ADAMTS18: variants seen among roughly 807,000 people sequenced by gnomAD.
ADAMTS18 encodes the protein A disintegrin and metalloproteinase with thrombospondin motifs 18.
Under a neutral mutation model 165.9 loss-of-function variants are expected in ADAMTS18, and 157 were observed. The observed-to-expected ratio is 0.95, with a 90% CI of 0.83 to 1.08. ADAMTS18 has a LOEUF of 1.08. Ranked by LOEUF, ADAMTS18 falls within the 50% of genes least tolerant of loss-of-function variation. The pLI is 0.00. For synonymous variants in ADAMTS18, 782 were observed against 578.2 expected (o/e 1.35, Z -5.06); for missense variants, 2,040 against 1,534.0 (o/e 1.33, Z -5.51).
At chr16:77,363,917 C>A (rs376216266) in intron 5 of ADAMTS18, 32 bp from the exon 6 acceptor site, 11 of 1,603,554 alleles carry the variant, frequency 6.9e-6, no homozygotes, top group Non-Finnish European at 7.7e-6. Flanking sequence ...AACAAAATCT[C>A]AAAATTTTCA....
chr16:77,434,607 T>C lies in ADAMTS18; in HGVS notation c.89A>G (p.Lys30Arg), dbSNP rs1191752260. 2 of 1,523,690 alleles carry C rather than the reference T, an allele frequency of 1.3e-6. No homozygotes were observed. The highest frequency in any genetic ancestry group is 1.8e-6 in the Non-Finnish European group (2 of 1,141,186). The allele number at this position is 1,523,690 out of a possible 1,614,324, so 94.4% of individuals were successfully genotyped here. A position where few individuals can be genotyped will look rare whatever the true frequency, so the allele number is the denominator to read the frequency against. Residue 30 changes from lysine (K) to arginine (R), a missense_variant and splice_region_variant, in exon 1 of 23, where the codon AAG becomes AGG. Physicochemically the swap from Lys to Arg is conservative, Grantham distance 26. Coordinates refer to ENST00000282849, the MANE Select transcript of ADAMTS18 (RefSeq NM_199355.4). ...RGLAGLGRVA[K>R]ALQLCCLCCA... The stretch of plus-strand genomic sequence containing the variant: ...GGAGCTCCGCTCGGCGGCACCTGCC[T>C]TGGCCACGCGCCCCAGTCCCGCCAG...
chr16:77,384,968 G>A (rs970520765), intron 3 of ADAMTS18, among the ~76,000 whole-genome samples: 1 of 150,780 alleles, frequency 6.6e-6, no homozygotes, highest in East Asian at 1.9e-4. Flanking sequence ...GGAATGCAGT[G>A]GAATGATCTC....
At chr16:77,301,373 C>T (rs62044018) in intron 16 of ADAMTS18, among the ~76,000 whole-genome samples, 51,708 of 152,000 alleles carry the variant, frequency 0.34, 11,022 homozygotes, top group Non-Finnish European at 0.48. Flanking sequence ...AATGTGCCTA[C>T]ACAATGCAAT....
chr16:77,289,551 TACAGTCC>T (rs1375572574), intron 21 of ADAMTS18, 140 bp from the exon 22 acceptor site: 5 of 935,442 alleles, frequency 5.3e-6, no homozygotes, highest in Non-Finnish European at 8.3e-6. Flanking sequence ...CACATGTGCT[TACAGTCC>T]ACAGCATCTA....
chr16:77,423,578 G>T (rs1024362861), intron 3 of ADAMTS18, among the ~76,000 whole-genome samples: 6 of 152,080 alleles, frequency 3.9e-5, no homozygotes, highest in African/African-American at 1.4e-4. Flanking sequence ...ATAAAGCATA[G>T]CCAGGATAAA....
rs756034557 is a variant in ADAMTS18 at position 77,325,887 on chromosome 16, T to C, written c.2011A>G (p.Lys671Glu). The C allele has an allele frequency of 1.1e-5, 18 of 1,613,832 alleles. No homozygotes were observed. In the East Asian group the frequency reaches 4.0e-4, roughly 36 times the overall value. Residue 671 changes from lysine to glutamate, a missense_variant, in exon 13 of 23, where the codon AAA (lysine) becomes GAA (glutamate). Physicochemically the swap from Lys to Glu is moderately conservative, Grantham distance 56 (BLOSUM62 1). Coordinates refer to ENST00000282849, the MANE Select transcript of ADAMTS18 (RefSeq NM_199355.4). ...TTACCTTCCACTTTTGTATAGGGTT[T>C]CCACTGGTAGAACCATCCACGGAAA... ...KPFRGWFYQWKPYTKVEEEDR... is the reference protein window; with the variant it reads ...KPFRGWFYQWEPYTKVEEEDR...
rs2055957790 is a variant in ADAMTS18, at chr16:77,319,869, T to C, written c.2512A>G (p.Asn838Asp). 6.2e-6 allele frequency: 10 copies of C among 1,614,130 alleles called. No homozygotes were observed. Among genetic ancestry groups the C allele is most frequent in the Admixed American group, 1.7e-5 (1 of 60,028 alleles). The change falls in exon 16 of 23, where the codon AAT (asparagine) becomes GAT (aspartate). Residue 838 changes from asparagine (N) to aspartate (D), a missense_variant. By Grantham distance (23) the Asn-to-Asp change is conservative (BLOSUM62 1). Transcript: ENST00000282849. Reference sequence around the variant, plus strand: ...CTTACTTCAAAGACCAGCGTCTCATTTGTGGGCCCTGGCGCGTACAGACGT... The same window carrying C: ...CTTACTTCAAAGACCAGCGTCTCATCTGTGGGCCCTGGCGCGTACAGACGT... ...PERLYAPGPT[N>D]ETLVFEILMQ...
In ADAMTS18 at chr16:77,341,496, G is replaced by GA. The variant is rs113826477; in HGVS notation, c.1710+207dup. On this transcript the variant is annotated intron_variant, in intron 11 of 22. Transcript: ENST00000282849. ...CCATCTAAAACAGGAAGACAAAAAAGAAAAAAAAAATCTTCTTAAACAATT... is the reference window on the plus strand; with the variant it reads ...CCATCTAAAACAGGAAGACAAAAAAGAAAAAAAAAAATCTTCTTAAACAATT... Among the ~76,000 whole-genome samples the GA allele has an allele frequency of 4.0e-3, 598 of 148,686 alleles. 1 individual carries two copies. The highest frequency in any genetic ancestry group is 6.4e-3 in the Non-Finnish European group (427 of 66,990).
Position 77,400,717 on chromosome 16 carries a change from C to T in ADAMTS18, c.495+30578G>A, listed in dbSNP as rs191028001. 4.0e-3 allele frequency among the ~76,000 whole-genome samples: 602 copies of T among 151,748 alleles called. 3 individuals are homozygous for T. Among genetic ancestry groups the T allele is most frequent in the African/African-American group, 0.014 (576 of 41,386 alleles). On this transcript the variant is annotated intron_variant, in intron 3 of 22. Coordinates refer to ENST00000282849, the MANE Select transcript of ADAMTS18 (RefSeq NM_199355.4). ...ATCTCCTGACCTCGTGATCCGCCTG[C>T]CTCGGCCTCCCAAAGTGCTGGGATT...
At chr16:77,367,406 A>G (rs755842009) in intron 4 of ADAMTS18, 35 bp downstream of exon 4, 1 of 1,613,340 alleles carries the variant, frequency 6.2e-7, no homozygotes, top group South Asian at 1.1e-5. Flanking sequence ...CGAGGCCCAC[A>G]TAAGAACAGA....
chr16:77,407,586 G>A (rs1459363954), intron 3 of ADAMTS18, among the ~76,000 whole-genome samples: 1 of 152,046 alleles, frequency 6.6e-6, no homozygotes, highest in Non-Finnish European at 1.5e-5. Context: ...TGTGGTATTA[G>A]AATAAAGACT....
intron 17 of ADAMTS18, among the ~76,000 whole-genome samples, chr16:77,299,509 G>A (rs187553201): frequency 9.2e-5 from 14 of 152,242 alleles, no homozygotes; most frequent in Admixed American, 9.2e-4. Context: ...ATTATGCTTA[G>A]TGGGATGGAA....
chr16:77,322,067 A>T (rs2056008788), intron 14 of ADAMTS18, among the ~76,000 whole-genome samples: 1 of 151,190 alleles, frequency 6.6e-6, no homozygotes, highest in Admixed American at 6.6e-5. Context: ...AGGCAGGAGA[A>T]TCACTTGAAC....
rs555814776 is a variant in ADAMTS18, at chr16:77,337,292, G to C, written c.1711-1388C>G. ...CGAGGACTCTACTGGACTGAGTTCA[G>C]TGGCTGAGACAAAATTACAATAGCC... is the stretch of plus-strand genomic sequence containing the variant. On this transcript the variant is annotated intron_variant, in intron 11 of 22. Transcript: ENST00000282849. Among the ~76,000 whole-genome samples the C allele has an allele frequency of 1.6e-4, 24 of 152,300 alleles. 1 individual carries two copies. Among genetic ancestry groups the C allele is most frequent in the African/African-American group, 5.3e-4 (22 of 41,560 alleles).
At chr16:77,314,515 G>C (rs2055844072) in intron 16 of ADAMTS18, among the ~76,000 whole-genome samples, 1 of 150,748 alleles carries the variant, frequency 6.6e-6, no homozygotes, top group African/African-American at 2.4e-5. Context: ...GGGAGGCTGA[G>C]GCAGAAGAAT....
intron 3 of ADAMTS18, among the ~76,000 whole-genome samples, chr16:77,414,303 C>G (rs1488173010): frequency 6.6e-6 from 1 of 152,198 alleles, no homozygotes; most frequent in Non-Finnish European, 1.5e-5. Context: ...AATGGCTATA[C>G]CTGTACTGCC....
chr16:77,349,065 A>C (rs2056517938), intron 10 of ADAMTS18, among the ~76,000 whole-genome samples: 1 of 152,224 alleles, frequency 6.6e-6, no homozygotes, highest in Non-Finnish European at 1.5e-5. Context: ...TTGGTATGTT[A>C]CAAAGTAATA....
chr16:77,410,376 T>G (rs1194034565), intron 3 of ADAMTS18, among the ~76,000 whole-genome samples: 1 of 152,034 alleles, frequency 6.6e-6, no homozygotes, highest in African/African-American at 2.4e-5. Context: ...ATTTCACTGA[T>G]TCTCAAAATT....
At chr16:77,289,124 G>A in intron 22 of ADAMTS18, 140 bp downstream of exon 22, 1 of 1,067,200 alleles carries the variant, frequency 9.4e-7, no homozygotes. Flanking sequence ...TACAACTCCA[G>A]GGAGCACTGT....
Sources: allele counts gnomAD v4.1 joint callset (sites outside exome capture counted in the v4.1 genomes callset), GRCh38; gene constraint gnomAD v4.1.1; transcripts MANE v1.5; gene names NCBI Gene and HGNC (gene_info 2026-07-23, HGNC 2026-07-21).